The following CLOCK variants were observed in gnomAD, a reference collection of about 807,000 sequenced individuals.
The protein encoded by CLOCK is clock circadian regulator, also known as circadian locomoter output cycles protein kaput.
In CLOCK, 43 loss-of-function variants were observed where a neutral mutation model predicts 118.4. The observed-to-expected ratio is 0.36, with a 90% CI of 0.28 to 0.47. The LOEUF (loss-of-function observed/expected upper bound fraction) is 0.47, where lower values mean the gene tolerates loss of function less well. Among genes scored for constraint, CLOCK ranks in the 20% least tolerant of loss-of-function variants. The pLI is 1.00. For missense variants in CLOCK, 846 were observed against 999.9 expected (o/e 0.85, Z 2.08); for synonymous variants, 326 against 339.2 (o/e 0.96, Z 0.43).
In CLOCK at chr4:55,431,717, A is replaced by AAAGCAGAAATACTTTT. The variant is rs1282830816; in HGVS notation, c.*3697_*3698insAAAAGTATTTCTGCTT. ...CAATTACCAAAGAAACAGAAAGAAA[A>AAAGCAGAAATACTTTT]AAGCAGAAATACTAAAGTAAAATGC... On this transcript the variant is annotated 3_prime_UTR_variant, in exon 23 of 23. Transcript: ENST00000513440. 5 of 152,242 alleles carry AAAGCAGAAATACTTTT rather than the reference A, an allele frequency of 3.3e-5. No homozygotes were observed. Among genetic ancestry groups the AAAGCAGAAATACTTTT allele is most frequent in the African/African-American group, 7.2e-5 (3 of 41,458 alleles). 9.4% of individuals were successfully genotyped at this position (152,242 alleles called of 1,614,324 possible). A position where few individuals can be genotyped will look rare whatever the true frequency, so the allele number is the denominator to read the frequency against.
At chr4:55,477,344 C>A (rs912071708) in intron 6 of CLOCK, among the ~76,000 whole-genome samples, 1 of 151,826 alleles carries the variant, frequency 6.6e-6, no homozygotes, top group Non-Finnish European at 1.5e-5. Context: ...TGCCATTTAA[C>A]AATAGGCACT....
intron 1 of CLOCK, among the ~76,000 whole-genome samples, chr4:55,533,582 T>A (rs1199620207): frequency 6.6e-6 from 1 of 152,186 alleles, no homozygotes; most frequent in Non-Finnish European, 1.5e-5. Context: ...TGACTAAAGA[T>A]TTTTGGGATT....
intron 1 of CLOCK, among the ~76,000 whole-genome samples, chr4:55,530,455 G>A (rs1730462372): frequency 6.6e-6 from 1 of 152,094 alleles, no homozygotes. Flanking sequence ...TACATTGTAA[G>A]TACTCTGTAT....
In CLOCK at chr4:55,448,925, T is replaced by G. The variant is rs1724180430; in HGVS notation, c.1450-57A>C. 4 of 1,285,832 alleles carry G rather than the reference T, an allele frequency of 3.1e-6. No homozygotes were observed. In the East Asian group the frequency reaches 7.0e-5, roughly 23 times the overall value. The allele number at this position is 1,285,832 out of a possible 1,614,324, so 79.7% of individuals were successfully genotyped here. A position where few individuals can be genotyped will look rare whatever the true frequency, so the allele number is the denominator to read the frequency against. ...ATTCTCATTCCCATACATGAGTACT[T>G]CCAGCAGAAATATCAATATGATATT... is the stretch of plus-strand genomic sequence containing the variant. On this transcript the variant is annotated intron_variant, in intron 17 of 22. Coordinates refer to ENST00000513440, the MANE Select transcript of CLOCK (RefSeq NM_004898.4).
At chr4:55,448,615 T>C (rs866472421) in intron 18 of CLOCK, among the ~76,000 whole-genome samples, 164 bp downstream of exon 18, 2,362 of 130,748 alleles carry the variant, frequency 0.018, 63 homozygotes, top group African/African-American at 0.066. Flanking sequence ...TGTGTGTGTG[T>C]GTGTGTGTGT....
intron 1 of CLOCK, among the ~76,000 whole-genome samples, chr4:55,512,863 T>C (rs1015682611): frequency 6.6e-6 from 1 of 152,208 alleles, no homozygotes; most frequent in African/African-American, 2.4e-5. Context: ...ATTAGTTGAC[T>C]ATGCAATCAT....
chr4:55,512,427 T>G (rs1171945980), intron 1 of CLOCK, among the ~76,000 whole-genome samples: 1 of 152,192 alleles, frequency 6.6e-6, no homozygotes, highest in Admixed American at 6.5e-5. Context: ...TTAACTGGTT[T>G]GTTGGTTCTC....
intron 21 of CLOCK, among the ~76,000 whole-genome samples, chr4:55,440,217 C>A (rs1267205716): frequency 6.6e-6 from 1 of 152,046 alleles, no homozygotes; most frequent in Non-Finnish European, 1.5e-5. Context: ...AAATTTAATT[C>A]AAAACCAAAT....
At chr4:55,477,396 T>C (rs529481836) in intron 6 of CLOCK, among the ~76,000 whole-genome samples, 1 of 151,972 alleles carries the variant, frequency 6.6e-6, no homozygotes. Context: ...AATGTAATAA[T>C]AGTGGTGGCA....
At chr4:55,519,873 A>AG (rs1281576516) in intron 1 of CLOCK, among the ~76,000 whole-genome samples, 1 of 152,158 alleles carries the variant, frequency 6.6e-6, no homozygotes, top group Non-Finnish European at 1.5e-5. Flanking sequence ...GAGGGGTGGC[A>AG]GGGGGTCTTT....
At chr4:55,438,670 C>T in intron 21 of CLOCK, 133 bp from the exon 22 acceptor site, 7 of 1,320,042 alleles carry the variant, frequency 5.3e-6, no homozygotes, top group Non-Finnish European at 6.2e-6. Flanking sequence ...TCTGTATATT[C>T]CTACTTTGTT....
At chr4:55,544,804 C>CT (rs1234079823) in intron 1 of CLOCK, among the ~76,000 whole-genome samples, 1 of 152,166 alleles carries the variant, frequency 6.6e-6, no homozygotes, top group Non-Finnish European at 1.5e-5. Context: ...TCCCTCTCCT[C>CT]TATTGTTAGT....
intron 1 of CLOCK, among the ~76,000 whole-genome samples, chr4:55,531,685 C>G (rs1425469582): frequency 9.4e-6 from 1 of 106,116 alleles, no homozygotes; most frequent in East Asian, 3.0e-4. Flanking sequence ...AGCCTGGCGA[C>G]AGAGCAAGAC....
intron 1 of CLOCK, among the ~76,000 whole-genome samples, chr4:55,516,708 C>A (rs745765807): frequency 6.6e-6 from 1 of 152,306 alleles, no homozygotes; most frequent in South Asian, 2.1e-4. Flanking sequence ...ATCATTGATA[C>A]AGTTAGATTA....
chr4:55,542,964 T>G (rs1731380083), intron 1 of CLOCK, among the ~76,000 whole-genome samples: 1 of 152,202 alleles, frequency 6.6e-6, no homozygotes, highest in African/African-American at 2.4e-5. Flanking sequence ...GGGTTTGTTT[T>G]GTTTAAAACA....
chr4:55,475,734 ATT>A (rs201125464), intron 7 of CLOCK, among the ~76,000 whole-genome samples: 1 of 152,202 alleles, frequency 6.6e-6, no homozygotes, highest in Non-Finnish European at 1.5e-5. Context: ...GCAATAAAGT[ATT>A]TTTAAATTTA....
chr4:55,440,154 T>C (rs1240514861), intron 21 of CLOCK, among the ~76,000 whole-genome samples: 5 of 152,218 alleles, frequency 3.3e-5, no homozygotes, highest in African/African-American at 1.2e-4. Context: ...TATTATAATG[T>C]ATTTTTTAAA....
At position 55,438,490 on chromosome 4, in the gene CLOCK, A is replaced by G; in HGVS notation, c.2153T>C (p.Val718Ala). Residue 718 changes from valine to alanine, a missense_variant, in exon 22 of 23, where the codon GTA (valine) becomes GCA (alanine). Val to Ala is a moderately conservative substitution (Grantham distance 64). Coordinates refer to ENST00000513440, the MANE Select transcript of CLOCK (RefSeq NM_004898.4). ...AGGTACCATGACTGCCCCACAAGCT[A>G]CAGGAGCAGTCACTAATTTGGTCAC... Reference protein sequence around the residue: ...QLVTKLVTAPVACGAVMVPST... With the variant: ...QLVTKLVTAPAACGAVMVPST... The G allele has an allele frequency of 1.9e-6, 3 of 1,613,830 alleles. No homozygotes were observed. The Admixed American group carries it at 5.0e-5, about 27-fold the overall frequency.
chr4:55,525,210 T>C (rs569904683), intron 1 of CLOCK, among the ~76,000 whole-genome samples: 6 of 152,228 alleles, frequency 3.9e-5, no homozygotes, highest in Non-Finnish European at 8.8e-5. Context: ...CAGTGGTTCA[T>C]GTCTGTAATC....
Sources: gnomAD v4.1 joint callset for allele counts (sites outside exome capture counted in the v4.1 genomes callset) on GRCh38, gnomAD v4.1.1 for gene constraint, MANE v1.5 for transcripts, NCBI Gene and HGNC (gene_info 2026-07-23, HGNC 2026-07-21) for gene names.